Variants in LIN7A observed in about 807,000 individuals in gnomAD.
The protein encoded by LIN7A is lin-7 cell polarity scaffold A.
In LIN7A, 25 loss-of-function variants were observed where a neutral mutation model predicts 29.8. That is an observed-to-expected ratio of 0.84 (90% CI 0.61 to 1.17). The LOEUF is 1.17. Among genes scored for constraint, LIN7A ranks in the 50% most tolerant of loss-of-function variants. LIN7A has a pLI of 0.00. For synonymous variants in LIN7A, 118 were observed against 107.5 expected, an observed-to-expected ratio of 1.10 and a Z score of -0.60; for missense variants, 239 against 287.0, an observed-to-expected ratio of 0.83 and a Z score of 1.21.
intron 5 of LIN7A, among the ~76,000 whole-genome samples, chr12:80,801,932 C>T (rs566486329): frequency 1.5e-4 from 23 of 149,764 alleles, no homozygotes; most frequent in Admixed American, 8.0e-4. Context: ...TGTCTTCCTC[C>T]GTTGCCCAAG....
chr12:80,890,836 G>T (rs1484876878), intron 1 of LIN7A, among the ~76,000 whole-genome samples: 1 of 152,118 alleles, frequency 6.6e-6, no homozygotes, highest in Non-Finnish European at 1.5e-5. Context: ...TACCTAGGCT[G>T]CAGTAAGCCA....
At chr12:80,840,079 C>A (rs187765228) in intron 4 of LIN7A, among the ~76,000 whole-genome samples, 4 of 152,106 alleles carry the variant, frequency 2.6e-5, no homozygotes, top group African/African-American at 4.8e-5. Flanking sequence ...CCTTTTCTTT[C>A]CTGTTCCTCA....
rs1875328175 is a variant in LIN7A, at chr12:80,886,408, T to C, written c.201+2843A>G. 2.0e-5 allele frequency among the ~76,000 whole-genome samples: 3 copies of C among 152,208 alleles called. No individual in the cohort carries two copies. In the South Asian group the frequency reaches 6.2e-4, roughly 32 times the overall value. On this transcript the variant is annotated intron_variant, in intron 2 of 5. Transcript: ENST00000552864. ...AAGACCTTTTCACTAGAAAGATTCA[T>C]AATATTATTCAGAATTGTTGTTTAT...
At chr12:80,843,760 TA>T (rs945624877) in intron 4 of LIN7A, among the ~76,000 whole-genome samples, 1 of 152,164 alleles carries the variant, frequency 6.6e-6, no homozygotes, top group Non-Finnish European at 1.5e-5. Context: ...TAGGGGATAC[TA>T]ATCCATAATC....
At position 80,937,840 on chromosome 12, in the gene LIN7A, C is replaced by T; in HGVS notation, c.-118G>A. 3 of 760,386 alleles carry T rather than the reference C, an allele frequency of 3.9e-6. No individual in the cohort carries two copies. The South Asian group carries it at 7.3e-5, about 18-fold the overall frequency. 47.1% of individuals were successfully genotyped at this position (760,386 alleles called of 1,614,324 possible). On this transcript the variant is annotated 5_prime_UTR_variant, in exon 1 of 6. Coordinates refer to ENST00000552864, the MANE Select transcript of LIN7A (RefSeq NM_004664.4). ...AAGGTGGTGGTGGTGGAGAAGAAAG[C>T]TTGGGTGGGTTGGTAGCCAGATGGA...
chr12:80,798,427 G>A (rs113467022), intron 5 of LIN7A, among the ~76,000 whole-genome samples: 16 of 151,962 alleles, frequency 1.1e-4, no homozygotes, highest in Admixed American at 5.9e-4. Flanking sequence ...TTTACTTTGC[G>A]TCAACACTCT....
At chr12:80,895,828 G>T (rs1045441066) in intron 1 of LIN7A, among the ~76,000 whole-genome samples, 3 of 152,136 alleles carry the variant, frequency 2.0e-5, no homozygotes, top group Non-Finnish European at 4.4e-5. Context: ...GAAGATAACT[G>T]CCATGTGCTA....
At chr12:80,867,325 C>A (rs1364249185) in intron 2 of LIN7A, among the ~76,000 whole-genome samples, 1 of 152,158 alleles carries the variant, frequency 6.6e-6, no homozygotes, top group Non-Finnish European at 1.5e-5. Flanking sequence ...TTGGCTGGAT[C>A]AGCTTCACAC....
intron 1 of LIN7A, among the ~76,000 whole-genome samples, chr12:80,892,855 T>A (rs1875696302): frequency 6.6e-6 from 1 of 152,276 alleles, no homozygotes; most frequent in East Asian, 1.9e-4. Flanking sequence ...TGGGTAATTT[T>A]AAATCCCCTG....
chr12:80,808,378 C>A (rs1297804806), intron 5 of LIN7A, among the ~76,000 whole-genome samples: 1 of 152,148 alleles, frequency 6.6e-6, no homozygotes, highest in African/African-American at 2.4e-5. Flanking sequence ...TCTCCTGCAA[C>A]CAGAATGTAG....
At chr12:80,820,488 A>G (rs1294111852) in intron 4 of LIN7A, among the ~76,000 whole-genome samples, 1 of 152,188 alleles carries the variant, frequency 6.6e-6, no homozygotes, top group Non-Finnish European at 1.5e-5. Context: ...ACCTCAGCCC[A>G]CCTTTCAGAT....
chr12:80,819,856 C>T (rs1532370), intron 4 of LIN7A, among the ~76,000 whole-genome samples: 130,209 of 152,186 alleles, frequency 0.86, 56,044 homozygotes, highest in African/African-American at 0.94. Flanking sequence ...TTGTTAATGG[C>T]GTTGCTTAGG....
intron 4 of LIN7A, among the ~76,000 whole-genome samples, chr12:80,839,838 C>T (rs916406594): frequency 6.6e-5 from 10 of 152,272 alleles, no homozygotes; most frequent in African/African-American, 2.4e-4. Context: ...TATTCTGTCC[C>T]ATCCCTAAAC....
At chr12:80,851,260 T>C (rs1260780389) in intron 2 of LIN7A, among the ~76,000 whole-genome samples, 2 of 152,034 alleles carry the variant, frequency 1.3e-5, no homozygotes, top group African/African-American at 2.4e-5. Flanking sequence ...TTGAAACCAA[T>C]AAATTCATTA....
intron 2 of LIN7A, among the ~76,000 whole-genome samples, chr12:80,887,552 C>T (rs1442415550): frequency 3.3e-5 from 5 of 152,092 alleles, no homozygotes; most frequent in Admixed American, 2.0e-4. Flanking sequence ...GTGATTTCTT[C>T]TGCCTGGAAC....
At chr12:80,905,271 C>A (rs965812922) in intron 1 of LIN7A, among the ~76,000 whole-genome samples, 1 of 151,926 alleles carries the variant, frequency 6.6e-6, no homozygotes, top group African/African-American at 2.4e-5. Context: ...CTCACTGCAA[C>A]CTCCGCCTCC....
chr12:80,927,527 C>T (rs141912658), intron 1 of LIN7A, among the ~76,000 whole-genome samples: 2 of 152,102 alleles, frequency 1.3e-5, no homozygotes, highest in African/African-American at 4.8e-5. Context: ...GATAGAACTG[C>T]CTTTAAAAAG....
At chr12:80,804,671 T>C (rs1870886023) in intron 5 of LIN7A, among the ~76,000 whole-genome samples, 1 of 152,010 alleles carries the variant, frequency 6.6e-6, no homozygotes, top group Non-Finnish European at 1.5e-5. Flanking sequence ...CCAAAGTAGC[T>C]GGGATTATAG....
At chr12:80,826,208 T>G (rs560791372) in intron 4 of LIN7A, among the ~76,000 whole-genome samples, 17 of 152,304 alleles carry the variant, frequency 1.1e-4, no homozygotes, top group African/African-American at 3.4e-4. Flanking sequence ...CACAGAATAT[T>G]CTTTGCTTTT....
Sources: allele counts gnomAD v4.1 joint callset (sites outside exome capture counted in the v4.1 genomes callset), GRCh38; gene constraint gnomAD v4.1.1; transcripts MANE v1.5; gene names NCBI Gene and HGNC (gene_info 2026-07-23, HGNC 2026-07-21).